MAML3: variants seen among roughly 807,000 people sequenced by gnomAD.
MAML3 encodes the protein mastermind like transcriptional coactivator 3, also known as mastermind-like protein 3.
In MAML3, 27 loss-of-function variants were observed where a neutral mutation model predicts 101.9. The observed-to-expected ratio is 0.27, with a 90% CI of 0.20 to 0.37. MAML3 has a LOEUF of 0.37. Ranked by LOEUF, MAML3 falls within the 10% of genes least tolerant of loss-of-function variation. The pLI, the probability that MAML3 is intolerant of heterozygous loss-of-function variation, is 1.00. For synonymous variants in MAML3, 501 were observed against 555.9 expected, an observed-to-expected ratio of 0.90 and a Z score of 1.39; for missense variants, 1,316 against 1,444.9, an observed-to-expected ratio of 0.91 and a Z score of 1.45.
At chr4:139,857,352 G>GA (rs1176030481) in intron 2 of MAML3, among the ~76,000 whole-genome samples, 1 of 152,188 alleles carries the variant, frequency 6.6e-6, no homozygotes, top group Non-Finnish European at 1.5e-5. Flanking sequence ...GAACATGATA[G>GA]AGGTCCCCCA....
chr4:139,740,847 C>T lies in MAML3; in HGVS notation c.2080-10180G>A, dbSNP rs1397583040. 6 of 152,466 alleles carry T rather than the reference C, an allele frequency of 3.9e-5. No homozygotes were observed. The East Asian group carries it at 1.2e-3, about 29-fold the overall frequency. 9.4% of individuals were successfully genotyped at this position (152,466 alleles called of 1,614,324 possible). On this transcript the variant is annotated intron_variant, in intron 2 of 4. Coordinates refer to ENST00000509479, the MANE Select transcript of MAML3 (RefSeq NM_018717.5). The stretch of plus-strand genomic sequence containing the variant: ...CCGTCATCTCCAGAACCGCCACAGC[C>T]TTGGGAGGGGGGCTGAGAGAGATCA...
chr4:140,121,959 G>A (rs1221928127), intron 1 of MAML3, among the ~76,000 whole-genome samples: 1 of 152,070 alleles, frequency 6.6e-6, no homozygotes, highest in African/African-American at 2.4e-5. Flanking sequence ...TTTATAAGGT[G>A]CTTTCCCCCA....
intron 1 of MAML3, among the ~76,000 whole-genome samples, chr4:139,936,813 C>T (rs982682865): frequency 1.3e-5 from 2 of 152,154 alleles, no homozygotes; most frequent in African/African-American, 4.8e-5. Context: ...ACTTAAATAG[C>T]GTTTAAAAAG....
In MAML3 at chr4:140,137,708, C is replaced by T. The variant is rs112958757; in HGVS notation, c.468+15152G>A. Among the ~76,000 whole-genome samples, 997 of 152,348 alleles carry T rather than the reference C, an allele frequency of 6.5e-3. 5 individuals carry two copies. Among genetic ancestry groups the T allele is most frequent in the Middle Eastern group, 0.031 (9 of 294 alleles). On this transcript the variant is annotated intron_variant, in intron 1 of 4. Coordinates refer to ENST00000509479, the MANE Select transcript of MAML3 (RefSeq NM_018717.5). Reference sequence around the variant, plus strand: ...GATGAGAATATCAAAGCCAGCCAATCCTCCTTTCTTCTTCCATATATGGTG... The same window carrying T: ...GATGAGAATATCAAAGCCAGCCAATTCTCCTTTCTTCTTCCATATATGGTG...
intron 2 of MAML3, among the ~76,000 whole-genome samples, chr4:139,784,439 C>A (rs1332379498): frequency 6.6e-6 from 1 of 152,174 alleles, no homozygotes; most frequent in Non-Finnish European, 1.5e-5. Flanking sequence ...GGGCTCTGGG[C>A]TTACTTGCGA....
chr4:140,100,717 G>A (rs182527022), intron 1 of MAML3, among the ~76,000 whole-genome samples: 1 of 152,022 alleles, frequency 6.6e-6, no homozygotes, highest in East Asian at 1.9e-4. Flanking sequence ...GATTAAAAAT[G>A]ACCACAAATT....
chr4:139,776,734 A>G (rs1730104141), intron 2 of MAML3, among the ~76,000 whole-genome samples: 1 of 128,878 alleles, frequency 7.8e-6, no homozygotes, highest in Admixed American at 7.9e-5. Context: ...CAGAGGTCAC[A>G]GGGCCAAGGA....
At chr4:139,957,283 G>A (rs1468921895) in intron 1 of MAML3, among the ~76,000 whole-genome samples, 1 of 152,206 alleles carries the variant, frequency 6.6e-6, no homozygotes, top group East Asian at 1.9e-4. Flanking sequence ...TTTTACAGGT[G>A]ACGAAGCAGA....
intron 1 of MAML3, among the ~76,000 whole-genome samples, chr4:140,066,072 A>G (rs923791907): frequency 6.6e-6 from 1 of 152,222 alleles, no homozygotes; most frequent in African/African-American, 2.4e-5. Flanking sequence ...AAACACATCC[A>G]TGTGTCCACT....
chr4:140,045,325 G>A (rs1377906848), intron 1 of MAML3, among the ~76,000 whole-genome samples: 1 of 151,194 alleles, frequency 6.6e-6, no homozygotes, highest in African/African-American at 2.4e-5. Context: ...AATCCATGAG[G>A]TGGAGGCTGC....
intron 1 of MAML3, among the ~76,000 whole-genome samples, chr4:140,028,149 T>C (rs78208680): frequency 0.073 from 11,131 of 152,288 alleles, 539 homozygotes; most frequent in Middle Eastern, 0.11. Context: ...GCTCTTGTTC[T>C]GTGAAGTGTA....
chr4:140,062,757 C>T (rs1219900133), intron 1 of MAML3, among the ~76,000 whole-genome samples: 1 of 152,098 alleles, frequency 6.6e-6, no homozygotes, highest in African/African-American at 2.4e-5. Context: ...GGAAAAGCAC[C>T]GCTATGAGGA....
intron 1 of MAML3, among the ~76,000 whole-genome samples, chr4:140,151,653 C>A (rs2111069088): frequency 6.7e-6 from 1 of 149,544 alleles, no homozygotes; most frequent in Admixed American, 6.7e-5. Context: ...CCAGGATTCC[C>A]GTCGCCTGGC....
chr4:139,931,841 C>T (rs1387359571), intron 1 of MAML3, among the ~76,000 whole-genome samples: 1 of 149,370 alleles, frequency 6.7e-6, no homozygotes. Flanking sequence ...GAAACGCCGT[C>T]TCTACTAAAA....
chr4:139,889,069 C>T (rs1732406073), intron 2 of MAML3: 6 of 531,570 alleles, frequency 1.1e-5, no homozygotes, highest in Admixed American at 6.9e-5. Context: ...CTGCAGCCTC[C>T]CTCCCTCAGA....
At chr4:139,943,864 C>CCTTTTTTTTTTTTTTTTTTTTTTTT (rs1733652525) in intron 1 of MAML3, among the ~76,000 whole-genome samples, 1 of 65,824 alleles carries the variant, frequency 1.5e-5, no homozygotes, top group Non-Finnish European at 2.8e-5. Flanking sequence ...CTAAAGACAA[C>CCTTTTTTTTTTTTTTTTTTTTTTTT]TTTTTTTTTT....
chr4:140,020,444 G>A (rs1474247352), intron 1 of MAML3, among the ~76,000 whole-genome samples: 2 of 151,064 alleles, frequency 1.3e-5, no homozygotes, highest in Non-Finnish European at 2.9e-5. Flanking sequence ...GGTCAGTTCT[G>A]GCCTGGTATT....
chr4:139,880,017 C>CA (rs1732188671), intron 2 of MAML3, among the ~76,000 whole-genome samples: 1 of 151,896 alleles, frequency 6.6e-6, no homozygotes, highest in African/African-American at 2.4e-5. Flanking sequence ...TACTAAAATA[C>CA]AAAAAATTGG....
intron 2 of MAML3, among the ~76,000 whole-genome samples, chr4:139,757,478 C>G (rs1483435361): frequency 6.6e-6 from 1 of 151,884 alleles, no homozygotes; most frequent in Non-Finnish European, 1.5e-5. Flanking sequence ...GGTGAAACCC[C>G]ATCTCTACTA....
Sources: gnomAD v4.1 joint callset for allele counts (sites outside exome capture counted in the v4.1 genomes callset) on GRCh38, gnomAD v4.1.1 for gene constraint, MANE v1.5 for transcripts, NCBI Gene and HGNC (gene_info 2026-07-23, HGNC 2026-07-21) for gene names.